PPP4R4: variants seen among roughly 807,000 people sequenced by gnomAD.
The protein encoded by PPP4R4 is serine/threonine-protein phosphatase 4 regulatory subunit 4.
In PPP4R4, 70 loss-of-function variants were observed where a neutral mutation model predicts 121.8. That is an observed-to-expected ratio of 0.57 (90% CI 0.47 to 0.70). PPP4R4 has a LOEUF of 0.70. Among genes scored for constraint, PPP4R4 ranks in the 30% least tolerant of loss-of-function variants. The pLI, the probability that PPP4R4 is intolerant of heterozygous loss-of-function variation, is 0.00. For synonymous variants in PPP4R4, 348 were observed against 355.7 expected (o/e 0.98, Z 0.24); for missense variants, 875 against 1,033.6 (o/e 0.85, Z 2.10).
chr14:94,207,336 G>A (rs1025206321), intron 2 of PPP4R4, among the ~76,000 whole-genome samples: 1 of 152,050 alleles, frequency 6.6e-6, no homozygotes, highest in African/African-American at 2.4e-5. Context: ...TTCTCCTAGA[G>A]AGTGATGAGA....
chr14:94,215,196 A>T (rs546627542), intron 3 of PPP4R4, among the ~76,000 whole-genome samples: 10 of 152,318 alleles, frequency 6.6e-5, no homozygotes, highest in African/African-American at 2.4e-4. Context: ...GCTCCGTGTG[A>T]TGTATTTATA....
intron 20 of PPP4R4, 148 bp downstream of exon 20, chr14:94,265,095 C>T (rs1893969382): frequency 8.2e-6 from 6 of 736,028 alleles, no homozygotes; most frequent in Non-Finnish European, 1.3e-5. Context: ...GAAAATTGGC[C>T]ACTTAATGTG....
At chr14:94,276,543 G>T (rs1017443871) in intron 24 of PPP4R4, among the ~76,000 whole-genome samples, 9 of 152,134 alleles carry the variant, frequency 5.9e-5, no homozygotes, top group Non-Finnish European at 8.8e-5. Context: ...AAAAACAGGA[G>T]CAGGAGAGAG....
In PPP4R4 at chr14:94,269,791, T is replaced by TA. The variant is rs373310472; in HGVS notation, c.2449+2763dup. Among the ~76,000 whole-genome samples, 226 of 152,316 alleles carry TA rather than the reference T, an allele frequency of 1.5e-3. 1 individual carries two copies. The highest frequency in any genetic ancestry group is 5.2e-3 in the African/African-American group (215 of 41,566). ...ATCCACTGTTCATTGTGTGGGGACT[T>TA]ATGCCTGTCTTCAGTTATACTACTC... On this transcript the variant is annotated intron_variant, in intron 23 of 24. Transcript: ENST00000304338.
At chr14:94,191,649 C>G (rs552869254) in intron 2 of PPP4R4, among the ~76,000 whole-genome samples, 1 of 152,124 alleles carries the variant, frequency 6.6e-6, no homozygotes, top group Admixed American at 6.5e-5. Context: ...GCAGTGTTCT[C>G]TATATCATTG....
intron 7 of PPP4R4, among the ~76,000 whole-genome samples, chr14:94,237,150 A>G (rs1322223937): frequency 6.6e-6 from 1 of 152,172 alleles, no homozygotes; most frequent in Non-Finnish European, 1.5e-5. Flanking sequence ...TATTAGGTGA[A>G]TGGAAAATAA....
chr14:94,273,144 T>C (rs1053183555), intron 23 of PPP4R4, among the ~76,000 whole-genome samples: 1 of 152,198 alleles, frequency 6.6e-6, no homozygotes, highest in East Asian at 1.9e-4. Flanking sequence ...TTGGTATTTA[T>C]CCACAGGAGT....
chr14:94,221,938 C>A (rs1192844238), intron 3 of PPP4R4, among the ~76,000 whole-genome samples: 1 of 152,042 alleles, frequency 6.6e-6, no homozygotes, highest in Non-Finnish European at 1.5e-5. Context: ...AAACTGGAAA[C>A]AACCCAAATA....
At chr14:94,181,026 T>C (rs1033703) in intron 2 of PPP4R4, among the ~76,000 whole-genome samples, 119,542 of 151,932 alleles carry the variant, frequency 0.79, 47,618 homozygotes, top group Admixed American at 0.84. Context: ...GCTTTGCTAC[T>C]CACCTAGCTT....
intron 2 of PPP4R4, among the ~76,000 whole-genome samples, chr14:94,197,709 C>T (rs1334751004): frequency 1.3e-5 from 2 of 152,140 alleles, no homozygotes; most frequent in African/African-American, 4.8e-5. Context: ...CCTTTTGTAA[C>T]CCAGCTTTCA....
At chr14:94,223,395 G>A (rs537967999) in intron 3 of PPP4R4, among the ~76,000 whole-genome samples, 4 of 152,236 alleles carry the variant, frequency 2.6e-5, no homozygotes, top group South Asian at 2.1e-4. Context: ...CTGATTTCAG[G>A]TACTGGATGA....
chr14:94,230,296 C>T (rs1891944553), intron 3 of PPP4R4, among the ~76,000 whole-genome samples: 2 of 152,144 alleles, frequency 1.3e-5, no homozygotes, highest in African/African-American at 2.4e-5. Flanking sequence ...TCTAAAGTTT[C>T]TACTCTGTTG....
At chr14:94,217,691 T>C (rs2040944996) in intron 3 of PPP4R4, among the ~76,000 whole-genome samples, 1 of 152,094 alleles carries the variant, frequency 6.6e-6, no homozygotes, top group Non-Finnish European at 1.5e-5. Flanking sequence ...TATAAAATAA[T>C]CAAATGAAGA....
chr14:94,236,221 T>C (rs1159831294), intron 7 of PPP4R4, among the ~76,000 whole-genome samples: 1 of 152,230 alleles, frequency 6.6e-6, no homozygotes, highest in Non-Finnish European at 1.5e-5. Flanking sequence ...ATAATTAAGT[T>C]GAATTTGCAT....
chr14:94,263,971 T>C (rs372651212), intron 19 of PPP4R4, among the ~76,000 whole-genome samples: 9 of 152,196 alleles, frequency 5.9e-5, no homozygotes, highest in African/African-American at 2.2e-4. Flanking sequence ...CCAAGTTTGT[T>C]CAGAACTTGC....
intron 23 of PPP4R4, among the ~76,000 whole-genome samples, chr14:94,273,833 A>G (rs1894485002): frequency 6.6e-6 from 1 of 152,130 alleles, no homozygotes; most frequent in Non-Finnish European, 1.5e-5. Flanking sequence ...AACAAAAACA[A>G]AAACAAACCC....
intron 2 of PPP4R4, among the ~76,000 whole-genome samples, chr14:94,199,495 G>A (rs1315947340): frequency 6.6e-6 from 1 of 152,158 alleles, no homozygotes; most frequent in Non-Finnish European, 1.5e-5. Flanking sequence ...AGCTCAATTA[G>A]ACCCTTGCCT....
intron 19 of PPP4R4, among the ~76,000 whole-genome samples, chr14:94,263,048 C>T (rs1399040390): frequency 6.6e-6 from 1 of 151,858 alleles, no homozygotes; most frequent in Non-Finnish European, 1.5e-5. Flanking sequence ...ATATTTTTTT[C>T]CTTTAGCTTT....
At chr14:94,182,858 T>G (rs1386697642) in intron 2 of PPP4R4, among the ~76,000 whole-genome samples, 2 of 152,200 alleles carry the variant, frequency 1.3e-5, no homozygotes, top group Non-Finnish European at 1.5e-5. Context: ...AGTTTTCCAG[T>G]GTGCTTTGAC....
Sources: gnomAD v4.1 joint callset for allele counts (sites outside exome capture counted in the v4.1 genomes callset) on GRCh38, gnomAD v4.1.1 for gene constraint, MANE v1.5 for transcripts, NCBI Gene and HGNC (gene_info 2026-07-23, HGNC 2026-07-21) for gene names.